Variants in SKAP1 observed in about 807,000 individuals in gnomAD.
SKAP1 encodes src kinase-associated phosphoprotein 1.
SKAP1 carries 44 observed loss-of-function variants against 58.5 expected under a neutral mutation model. That is an observed-to-expected ratio of 0.75 (90% CI 0.59 to 0.97). SKAP1 has a LOEUF of 0.97. Ranked by LOEUF, SKAP1 falls within the 50% of genes least tolerant of loss-of-function variation. The pLI is 0.00. For synonymous variants in SKAP1, 127 were observed against 149.7 expected (o/e 0.85, Z 1.11); for missense variants, 390 against 435.2 (o/e 0.90, Z 0.92).
intron 2 of SKAP1, among the ~76,000 whole-genome samples, chr17:48,391,093 T>C (rs12451412): frequency 4.6e-5 from 7 of 151,612 alleles, no homozygotes; most frequent in Middle Eastern, 3.2e-3. Flanking sequence ...ACTAACTAAC[T>C]AACAACAACA....
intron 4 of SKAP1, among the ~76,000 whole-genome samples, chr17:48,207,752 G>A (rs1598428536): frequency 1.3e-5 from 2 of 152,122 alleles, no homozygotes; most frequent in Middle Eastern, 3.4e-3. Flanking sequence ...TGAAATTTGG[G>A]GTCAGAAGCC....
At chr17:48,371,806 C>T (rs997849597) in intron 2 of SKAP1, among the ~76,000 whole-genome samples, 4 of 148,662 alleles carry the variant, frequency 2.7e-5, no homozygotes, top group African/African-American at 1.0e-4. Context: ...CACTGCACTC[C>T]AGCCTGGGTA....
chr17:48,380,975 T>C (rs553920283), intron 2 of SKAP1, among the ~76,000 whole-genome samples: 1 of 152,338 alleles, frequency 6.6e-6, no homozygotes, highest in Admixed American at 6.5e-5. Context: ...CACCAAATTG[T>C]ATGCATTCCT....
intron 2 of SKAP1, among the ~76,000 whole-genome samples, chr17:48,370,805 C>T (rs1346754278): frequency 6.6e-6 from 1 of 152,186 alleles, no homozygotes. Context: ...ATAAATCATT[C>T]TACCAAAAAG....
Position 48,137,222 on chromosome 17 carries a change from C to A in SKAP1, c.*7+7G>T. ...ATTAGGCAGTTCATTGGCCATGGTT[C>A]TGATACCTGGGTTTCATCTTTCTTC... On this transcript the variant is annotated splice_region_variant and intron_variant, in intron 12 of 12. Transcript: ENST00000336915. The A allele has an allele frequency of 6.3e-7, 1 of 1,590,266 alleles. No individual in the cohort carries two copies. Among genetic ancestry groups the A allele is most frequent in the South Asian group, 1.1e-5 (1 of 90,434 alleles).
intron 4 of SKAP1, among the ~76,000 whole-genome samples, chr17:48,266,840 C>G (rs1287774368): frequency 6.6e-6 from 1 of 151,924 alleles, no homozygotes; most frequent in African/African-American, 2.4e-5. Flanking sequence ...CTCTTTTTCT[C>G]TTTTTTGAAA....
intron 4 of SKAP1, among the ~76,000 whole-genome samples, chr17:48,342,992 AT>A (rs1179417675): frequency 5.3e-5 from 8 of 152,350 alleles, no homozygotes; most frequent in East Asian, 1.9e-4. Flanking sequence ...CTCAAAAAAA[AT>A]AATAATAAAA....
At chr17:48,292,522 A>G (rs2065911173) in intron 4 of SKAP1, among the ~76,000 whole-genome samples, 1 of 152,236 alleles carries the variant, frequency 6.6e-6, no homozygotes, top group South Asian at 2.1e-4. Flanking sequence ...CCAAGAAAAA[A>G]TACTACATCA....
At chr17:48,256,400 G>A (rs866622596) in intron 4 of SKAP1, among the ~76,000 whole-genome samples, 21 of 152,132 alleles carry the variant, frequency 1.4e-4, no homozygotes, top group Middle Eastern at 3.4e-3. Context: ...GGTGAAAGTG[G>A]TTAGCCAAAA....
At chr17:48,170,701 A>G in intron 9 of SKAP1, 42 bp from the exon 10 acceptor site, 3 of 1,484,550 alleles carry the variant, frequency 2.0e-6, no homozygotes, top group Admixed American at 1.9e-5. Context: ...AGTGGTTCAC[A>G]GTCTCATGTT....
rs562945439 is a variant in SKAP1, at chr17:48,366,064, A to G, written c.153-2250T>C. 9.8e-5 allele frequency among the ~76,000 whole-genome samples: 15 copies of G among 152,306 alleles called. No homozygotes were observed. In the East Asian group the frequency reaches 2.9e-3, roughly 29 times the overall value. ...GTTTAAAGGGTCCATAAACCCCCCA[A>G]AAAGATGCAGAAAAGGTGATAGGTG... is the stretch of plus-strand genomic sequence containing the variant. On this transcript the variant is annotated intron_variant, in intron 2 of 12. Transcript: ENST00000336915.
chr17:48,252,916 T>C (rs2065382106), intron 4 of SKAP1, among the ~76,000 whole-genome samples: 1 of 152,182 alleles, frequency 6.6e-6, no homozygotes, highest in South Asian at 2.1e-4. Context: ...ATAGAACTTC[T>C]CTCGGGTTTA....
chr17:48,353,139 C>A (rs538282654), intron 3 of SKAP1, among the ~76,000 whole-genome samples: 2 of 152,200 alleles, frequency 1.3e-5, no homozygotes, highest in Admixed American at 6.5e-5. Flanking sequence ...AATTTATTAT[C>A]GAGTAATGTA....
chr17:48,147,250 C>T (rs1260564355), intron 11 of SKAP1, among the ~76,000 whole-genome samples: 1 of 152,156 alleles, frequency 6.6e-6, no homozygotes, highest in Non-Finnish European at 1.5e-5. Context: ...ATGGAAAGGT[C>T]AATCAATCAC....
intron 4 of SKAP1, among the ~76,000 whole-genome samples, chr17:48,293,922 C>A (rs571206606): frequency 6.6e-6 from 1 of 152,014 alleles, no homozygotes; most frequent in Non-Finnish European, 1.5e-5. Context: ...GTTAGAAGTG[C>A]GGGAAGGAGG....
intron 3 of SKAP1, among the ~76,000 whole-genome samples, chr17:48,350,380 T>C (rs774791372): frequency 1.3e-5 from 2 of 152,204 alleles, no homozygotes; most frequent in Non-Finnish European, 2.9e-5. Flanking sequence ...TGCAACCAAC[T>C]GTTTATATGG....
At chr17:48,203,453 T>C (rs141751433) in intron 4 of SKAP1, among the ~76,000 whole-genome samples, 3 of 152,350 alleles carry the variant, frequency 2.0e-5, no homozygotes, top group East Asian at 1.9e-4. Flanking sequence ...CTAAAATGTA[T>C]TTCTGACAAA....
intron 4 of SKAP1, among the ~76,000 whole-genome samples, chr17:48,305,697 T>A (rs1044911885): frequency 3.9e-5 from 6 of 152,228 alleles, no homozygotes; most frequent in Non-Finnish European, 7.3e-5. Flanking sequence ...AGAACACTAG[T>A]GCCTGCTATA....
At position 48,430,201 on chromosome 17, in the gene SKAP1, C is replaced by A; in HGVS notation, c.-81G>T. On this transcript the variant is annotated 5_prime_UTR_variant, in exon 1 of 13. Transcript: ENST00000336915. The stretch of plus-strand genomic sequence containing the variant: ...GGGCTGGAAGGCGACCCGGCTGCAC[C>A]GCGAGGCACCTGTACCTCAGCCGCG... 1 of 1,114,980 alleles carries A rather than the reference C, an allele frequency of 9.0e-7. No individual in the cohort carries two copies. Among genetic ancestry groups the A allele is most frequent in the Admixed American group, 4.5e-5 (1 of 21,992 alleles). 69.1% of individuals were successfully genotyped at this position (1,114,980 alleles called of 1,614,324 possible).
Sources: gnomAD v4.1 joint callset for allele counts (sites outside exome capture counted in the v4.1 genomes callset) on GRCh38, gnomAD v4.1.1 for gene constraint, MANE v1.5 for transcripts, NCBI Gene and HGNC (gene_info 2026-07-23, HGNC 2026-07-21) for gene names.